Variants in RP1 observed in about 807,000 individuals in gnomAD.
The protein encoded by RP1 is oxygen-regulated protein 1.
A neutral mutation model predicts 14.8 loss-of-function variants in RP1; 16 were observed. The observed-to-expected ratio is 1.08, with a 90% CI of 0.73 to 1.65. The LOEUF is 1.65. Ranked by LOEUF, RP1 falls within the 40% of genes most tolerant of loss-of-function variation. The pLI is 0.00. For missense variants in RP1, 2,631 were observed against 2,535.0 expected (o/e 1.04, Z -0.81); for synonymous variants, 876 against 883.6 (o/e 0.99, Z 0.15).
intron 19 of RP1, among the ~76,000 whole-genome samples, chr8:54,749,084 G>A (rs1809297601): frequency 6.6e-6 from 1 of 151,884 alleles, no homozygotes; most frequent in Admixed American, 6.6e-5. Flanking sequence ...ATTTTGTTTA[G>A]GATTAAATAC....
chr8:54,604,101 T>C (rs1805365502), intron 1 of RP1, among the ~76,000 whole-genome samples: 1 of 152,222 alleles, frequency 6.6e-6, no homozygotes, highest in South Asian at 2.1e-4. Context: ...AGAGAGGGCA[T>C]CCCTGTCTTG....
chr8:54,737,365 T>A (rs1391209112), intron 18 of RP1, among the ~76,000 whole-genome samples: 1 of 152,236 alleles, frequency 6.6e-6, no homozygotes, highest in Non-Finnish European at 1.5e-5. Context: ...CACATATGCT[T>A]GGTAACCAGA....
At chr8:54,650,967 G>T (rs1227267796) in intron 4 of RP1, among the ~76,000 whole-genome samples, 1 of 151,272 alleles carries the variant, frequency 6.6e-6, no homozygotes, top group African/African-American at 2.4e-5. Context: ...CTAGTTTGTT[G>T]AATTTTTTTT....
At chr8:54,624,047 G>A (rs996771498) in intron 3 of RP1, among the ~76,000 whole-genome samples, 11 of 152,054 alleles carry the variant, frequency 7.2e-5, no homozygotes, top group Admixed American at 1.3e-4. Context: ...AAAATTCTCT[G>A]AACCTCCACA....
At chr8:54,719,999 G>A (rs1035634192) in intron 15 of RP1, 11 of 758,894 alleles carry the variant, frequency 1.4e-5, no homozygotes, top group Admixed American at 9.8e-5. Flanking sequence ...GGCAATTTAC[G>A]TAAAAAGGCT....
At chr8:54,795,729 T>TTGATCA (rs767547590) in intron 24 of RP1, among the ~76,000 whole-genome samples, 5 of 152,170 alleles carry the variant, frequency 3.3e-5, no homozygotes, top group Non-Finnish European at 7.4e-5. Flanking sequence ...ATTTGTGGAC[T>TTGATCA]TGATCATATC....
chr8:54,684,127 T>C (rs1807498409), intron 12 of RP1, among the ~76,000 whole-genome samples: 1 of 152,138 alleles, frequency 6.6e-6, no homozygotes, highest in African/African-American at 2.4e-5. Context: ...TTGATTTTTG[T>C]ATGTTGAATC....
downstream of RP1, among the ~76,000 whole-genome samples, chr8:54,771,456 G>A (rs979245232): frequency 1.3e-5 from 2 of 152,070 alleles, no homozygotes; most frequent in Non-Finnish European, 2.9e-5. Context: ...CATCAGTGAT[G>A]TCAAACATGA....
chr8:54,768,015 G>T (rs1302182123), intron 22 of RP1, among the ~76,000 whole-genome samples: 1 of 152,182 alleles, frequency 6.6e-6, no homozygotes, highest in African/African-American at 2.4e-5. Flanking sequence ...TGCAAGGCTA[G>T]TGTGGTGACG....
intron 25 of RP1, among the ~76,000 whole-genome samples, chr8:54,839,480 T>G (rs1312848860): frequency 2.6e-5 from 4 of 152,236 alleles, no homozygotes; most frequent in Admixed American, 2.6e-4. Context: ...GAAGTCGTTC[T>G]GTCTTCATGG....
At chr8:54,597,900 T>C (rs1391811673) in intron 1 of RP1, among the ~76,000 whole-genome samples, 1 of 151,996 alleles carries the variant, frequency 6.6e-6, no homozygotes, top group African/African-American at 2.4e-5. Flanking sequence ...AATGTGTACA[T>C]ATAGTTCCAT....
At chr8:54,851,003 C>G (rs1429862538) in intron 25 of RP1, among the ~76,000 whole-genome samples, 1 of 152,130 alleles carries the variant, frequency 6.6e-6, no homozygotes, top group Non-Finnish European at 1.5e-5. Flanking sequence ...TTCTAAATTT[C>G]TGGTACATTT....
chr8:54,791,236 C>G (rs1228681468), intron 24 of RP1, among the ~76,000 whole-genome samples: 2 of 152,062 alleles, frequency 1.3e-5, no homozygotes, highest in East Asian at 1.9e-4. Flanking sequence ...ACCAAGAATA[C>G]TGTACCCACC....
At chr8:54,826,890 G>A (rs1372499469) in intron 24 of RP1, among the ~76,000 whole-genome samples, 3 of 152,210 alleles carry the variant, frequency 2.0e-5, no homozygotes, top group African/African-American at 7.2e-5. Flanking sequence ...AGATGGTCTA[G>A]CCTGCTACTC....
chr8:54,617,141 C>T (rs1195173877), intron 1 of RP1, among the ~76,000 whole-genome samples: 1 of 152,188 alleles, frequency 6.6e-6, no homozygotes, highest in Non-Finnish European at 1.5e-5. Context: ...TTTTTGTAAA[C>T]CAGCTTCCTT....
chr8:54,633,072 A>G (rs761415409), downstream of RP1, among the ~76,000 whole-genome samples: 19 of 152,172 alleles, frequency 1.2e-4, no homozygotes, highest in Non-Finnish European at 2.5e-4. Context: ...GCAATGCTTT[A>G]AGCATTGGGG....
At chr8:54,856,231 C>T (rs775414959) in intron 26 of RP1, among the ~76,000 whole-genome samples, 2 of 151,988 alleles carry the variant, frequency 1.3e-5, no homozygotes, top group Non-Finnish European at 2.9e-5. Flanking sequence ...ATATATGGTC[C>T]CAGACAAGGC....
At chr8:54,800,645 A>C (rs1464351112) in intron 24 of RP1, among the ~76,000 whole-genome samples, 1 of 152,172 alleles carries the variant, frequency 6.6e-6, no homozygotes, top group Non-Finnish European at 1.5e-5. Flanking sequence ...TGAGGCTGTC[A>C]AAGGAATTCT....
chr8:54,842,106 A>C (rs1326975077), intron 25 of RP1, among the ~76,000 whole-genome samples: 1 of 152,216 alleles, frequency 6.6e-6, no homozygotes, highest in Non-Finnish European at 1.5e-5. Flanking sequence ...AAAAAGGACA[A>C]GCTTTCTTTA....
Sources: allele counts gnomAD v4.1 joint callset (sites outside exome capture counted in the v4.1 genomes callset), GRCh38; gene constraint gnomAD v4.1.1; transcripts MANE v1.5; gene names NCBI Gene and HGNC (gene_info 2026-07-23, HGNC 2026-07-21).